The following ILDR2 variants were observed in gnomAD, a reference collection of about 807,000 sequenced individuals.
ILDR2 encodes the protein immunoglobulin-like domain-containing receptor 2.
A neutral mutation model predicts 66.8 loss-of-function variants in ILDR2; 25 were observed. The observed-to-expected ratio is 0.37, with a 90% CI of 0.27 to 0.52. The LOEUF is 0.52. Among genes scored for constraint, ILDR2 ranks in the 20% least tolerant of loss-of-function variants. The pLI is 0.88. For missense variants in ILDR2, 827 were observed against 876.8 expected, an observed-to-expected ratio of 0.94 and a Z score of 0.72; for synonymous variants, 367 against 357.2, an observed-to-expected ratio of 1.03 and a Z score of -0.31.
At chr1:166,906,967 CT>C (rs1409596840), downstream of ILDR2, 1 of 152,390 alleles carries the variant, frequency 6.6e-6, no homozygotes, top group African/African-American at 2.4e-5. Context: ...CCCATTGCCC[CT>C]GTCCTCTGTG....
rs1659600975 is a variant in ILDR2 at position 166,915,372 on chromosome 1, A to C, written c.*3983T>G. ...CTAGCTGTTTGGAGTACCCAGAGGT[A>C]TGACTTAGTGCAATGATTTCCAAAT... is the stretch of plus-strand genomic sequence containing the variant. On this transcript the variant is annotated 3_prime_UTR_variant, in exon 10 of 10. Transcript: ENST00000271417. 6.6e-6 allele frequency: 1 copy of C among 152,232 alleles called. No individual in the cohort carries two copies. Among genetic ancestry groups the C allele is most frequent in the African/African-American group, 2.4e-5 (1 of 41,452 alleles). 9.4% of individuals were successfully genotyped at this position (152,232 alleles called of 1,614,324 possible). A position where few individuals can be genotyped will look rare whatever the true frequency, so the allele number is the denominator to read the frequency against.
downstream of ILDR2, among the ~76,000 whole-genome samples, chr1:166,906,331 C>CTG (rs545717138): frequency 2.6e-5 from 4 of 152,316 alleles, no homozygotes; most frequent in African/African-American, 9.6e-5. Flanking sequence ...AGGGCGAACA[C>CTG]TGCAGAGGAA....
chr1:166,958,689 T>A (rs1662430818), intron 1 of ILDR2, among the ~76,000 whole-genome samples: 1 of 152,180 alleles, frequency 6.6e-6, no homozygotes, highest in African/African-American at 2.4e-5. Context: ...TCACATCAAC[T>A]TAATCTCTTA....
At chr1:166,941,613 A>C (rs372056608) in intron 3 of ILDR2, among the ~76,000 whole-genome samples, 3 of 152,340 alleles carry the variant, frequency 2.0e-5, no homozygotes, top group African/African-American at 7.2e-5. Flanking sequence ...AAGTCAATAC[A>C]TACTGTTTTT....
At chr1:166,904,604 A>G (rs566465314), downstream of ILDR2, among the ~76,000 whole-genome samples, 6 of 152,312 alleles carry the variant, frequency 3.9e-5, no homozygotes, top group South Asian at 1.2e-3. Flanking sequence ...TTTCTAAGTC[A>G]CCTTGAGAAG....
intron 3 of ILDR2, among the ~76,000 whole-genome samples, chr1:166,955,966 G>T (rs1662257164): frequency 6.6e-6 from 1 of 151,974 alleles, no homozygotes; most frequent in Non-Finnish European, 1.5e-5. Flanking sequence ...TCTTATTTCT[G>T]TATGTTCTAA....
Position 166,919,149 on chromosome 1 carries a change from TA to T in ILDR2, c.*205del, listed in dbSNP as rs1166598500. On this transcript the variant is annotated 3_prime_UTR_variant, in exon 10 of 10. Transcript: ENST00000271417. ...TTCTCACACATTCTTGCTTTCTTGG[TA>T]AGCTTCTCAAACTAGTTAGATGGGC... The T allele has an allele frequency of 1.8e-6, 1 of 549,024 alleles. No individual in the cohort carries two copies. The highest frequency in any genetic ancestry group is 3.3e-6 in the Non-Finnish European group (1 of 305,200). The allele number at this position is 549,024 out of a possible 1,614,324, so 34.0% of individuals were successfully genotyped here. A position where few individuals can be genotyped will look rare whatever the true frequency, so the allele number is the denominator to read the frequency against.
chr1:166,899,433 C>G (rs960226679), intron 2 of ILDR2, among the ~76,000 whole-genome samples: 3 of 151,692 alleles, frequency 2.0e-5, no homozygotes, highest in African/African-American at 7.3e-5. Context: ...GAAAAAGACA[C>G]GATTGCTATC....
chr1:166,933,067 A>C (rs531223644), intron 6 of ILDR2, among the ~76,000 whole-genome samples: 1 of 152,316 alleles, frequency 6.6e-6, no homozygotes, highest in Non-Finnish European at 1.5e-5. Flanking sequence ...CCATGACAGC[A>C]TGGGCCAGAC....
At chr1:166,949,676 A>G (rs1661853440) in intron 3 of ILDR2, among the ~76,000 whole-genome samples, 1 of 152,240 alleles carries the variant, frequency 6.6e-6, no homozygotes, top group South Asian at 2.1e-4. Flanking sequence ...TCCACTCTTC[A>G]TTCAGTAGAA....
rs374479063 is a variant in ILDR2 at position 166,909,736 on chromosome 1, C to CATATATATATATATAT, written c.*9603_*9618dup. The CATATATATATATATAT allele has an allele frequency of 3.0e-5, 3 of 100,930 alleles. No homozygotes were observed. The highest frequency in any genetic ancestry group is 1.2e-4 in the African/African-American group (3 of 24,914). 6.3% of individuals were successfully genotyped at this position (100,930 alleles called of 1,614,324 possible). On this transcript the variant is annotated 3_prime_UTR_variant, in exon 10 of 10. Coordinates refer to ENST00000271417, the MANE Select transcript of ILDR2 (RefSeq NM_199351.3). The stretch of plus-strand genomic sequence containing the variant: ...ATATATATGTGTGTGTGTATACATA[C>CATATATATATATATAT]ATATATATATATATATATATATAAA...
At position 166,919,289 on chromosome 1, in the gene ILDR2, T is replaced by C. The variant is rs371111599; in HGVS notation, c.*66A>G. The C allele has an allele frequency of 1.7e-4, 243 of 1,468,766 alleles. No homozygotes were observed. Among genetic ancestry groups the C allele is most frequent in the Non-Finnish European group, 2.3e-4 (239 of 1,056,010 alleles). The allele number at this position is 1,468,766 out of a possible 1,614,324, so 91.0% of individuals were successfully genotyped here. A position where few individuals can be genotyped will look rare whatever the true frequency, so the allele number is the denominator to read the frequency against. ...AGAAGGTCCTGGGCCTGCTGGTTCTTAGATTTGTGTCTTGTCCCCGTAGTC... is the reference window on the plus strand; with the variant it reads ...AGAAGGTCCTGGGCCTGCTGGTTCTCAGATTTGTGTCTTGTCCCCGTAGTC... On this transcript the variant is annotated 3_prime_UTR_variant, in exon 10 of 10. Transcript: ENST00000271417.
In ILDR2 at chr1:166,917,745, G is replaced by C. The variant is rs1659699369; in HGVS notation, c.*1610C>G. ...CCTCGAGTAGGAATCAGAAATTTGGGCTGGGTTCAGCTAGGCAGTTCTTCT... is the reference window on the plus strand; with the variant it reads ...CCTCGAGTAGGAATCAGAAATTTGGCCTGGGTTCAGCTAGGCAGTTCTTCT... On this transcript the variant is annotated 3_prime_UTR_variant, in exon 10 of 10. Coordinates refer to ENST00000271417, the MANE Select transcript of ILDR2 (RefSeq NM_199351.3). The C allele has an allele frequency of 6.6e-6, 1 of 152,214 alleles. No individual in the cohort carries two copies. The highest frequency in any genetic ancestry group is 1.5e-5 in the Non-Finnish European group (1 of 68,054). 9.4% of individuals were successfully genotyped at this position (152,214 alleles called of 1,614,324 possible). A position where few individuals can be genotyped will look rare whatever the true frequency, so the allele number is the denominator to read the frequency against.
chr1:166,965,692 C>T (rs576374022), intron 1 of ILDR2, among the ~76,000 whole-genome samples: 68 of 151,274 alleles, frequency 4.5e-4, no homozygotes, highest in Non-Finnish European at 7.7e-4. Flanking sequence ...CCTGCATCAG[C>T]CTCCCACGTA....
In ILDR2 at chr1:166,913,289, A is replaced by G. The variant is rs1021066291; in HGVS notation, c.*6066T>C. The G allele has an allele frequency of 6.6e-6, 1 of 152,214 alleles. No individual in the cohort carries two copies. The highest frequency in any genetic ancestry group is 2.4e-5 in the African/African-American group (1 of 41,462). 9.4% of individuals were successfully genotyped at this position (152,214 alleles called of 1,614,324 possible). ...GACACAGAAAAAAAAAGTCATGGAC[A>G]ACAGTAATACAAACATTTCAGTTTT... On this transcript the variant is annotated 3_prime_UTR_variant, in exon 10 of 10. Coordinates refer to ENST00000271417, the MANE Select transcript of ILDR2 (RefSeq NM_199351.3).
intron 1 of ILDR2, among the ~76,000 whole-genome samples, chr1:166,970,481 T>G (rs1663219658): frequency 6.6e-6 from 1 of 152,130 alleles, no homozygotes; most frequent in African/African-American, 2.4e-5. Flanking sequence ...GAGCTGAAGT[T>G]AACTTTAAAA....
In ILDR2 at chr1:166,918,292, G is replaced by A. The variant is rs1659717750; in HGVS notation, c.*1063C>T. 1 of 152,190 alleles carries A rather than the reference G, an allele frequency of 6.6e-6. No homozygotes were observed. The highest frequency in any genetic ancestry group is 2.1e-4 in the South Asian group (1 of 4,830). The allele number at this position is 152,190 out of a possible 1,614,324, so 9.4% of individuals were successfully genotyped here. On this transcript the variant is annotated 3_prime_UTR_variant, in exon 10 of 10. Coordinates refer to ENST00000271417, the MANE Select transcript of ILDR2 (RefSeq NM_199351.3). ...CCATGTCCTAGAATGGCAGAACTGG[G>A]ATGGCAGAAACAATTAACGGCAAGT...
chr1:166,904,140 C>A (rs889778939), downstream of ILDR2, among the ~76,000 whole-genome samples: 1 of 152,200 alleles, frequency 6.6e-6, no homozygotes, highest in African/African-American at 2.4e-5. Flanking sequence ...TAGTGCCCAA[C>A]AAATACTTTT....
At position 166,909,716 on chromosome 1, in the gene ILDR2, T is replaced by G. The variant is rs1252497910; in HGVS notation, c.*9639A>C. 2 of 142,366 alleles carry G rather than the reference T, an allele frequency of 1.4e-5. No individual in the cohort carries two copies. The highest frequency in any genetic ancestry group is 5.2e-5 in the African/African-American group (2 of 38,178). The allele number at this position is 142,366 out of a possible 1,614,324, so 8.8% of individuals were successfully genotyped here. A position where few individuals can be genotyped will look rare whatever the true frequency, so the allele number is the denominator to read the frequency against. ...CAAGGTTAATAGAAATTGACATATA[T>G]ATGTGTGTGTGTATACATACATATA... On this transcript the variant is annotated 3_prime_UTR_variant, in exon 10 of 10. Coordinates refer to ENST00000271417, the MANE Select transcript of ILDR2 (RefSeq NM_199351.3).
Sources: allele counts gnomAD v4.1 joint callset (sites outside exome capture counted in the v4.1 genomes callset), GRCh38; gene constraint gnomAD v4.1.1; transcripts MANE v1.5; gene names NCBI Gene and HGNC (gene_info 2026-07-23, HGNC 2026-07-21).